Variants in PTPRD observed in about 807,000 individuals in gnomAD.
PTPRD encodes protein tyrosine phosphatase receptor type D.
A neutral mutation model predicts 214.5 loss-of-function variants in PTPRD; 34 were observed. That is an observed-to-expected ratio of 0.16 (90% CI 0.12 to 0.21). The LOEUF is 0.21. Ranked by LOEUF, PTPRD falls within the 10% of genes least tolerant of loss-of-function variation. The pLI is 1.00. For missense variants in PTPRD, 2,545 were observed against 2,398.7 expected (o/e 1.06, Z -1.27); for synonymous variants, 1,128 against 845.7 (o/e 1.33, Z -5.79).
chr9:9,084,727 T>G (rs965246419), intron 10 of PTPRD, among the ~76,000 whole-genome samples: 17 of 151,868 alleles, frequency 1.1e-4, no homozygotes, highest in Admixed American at 6.6e-5. Flanking sequence ...TATAGCAAAA[T>G]GTGGGCAAGG....
At chr9:9,295,019 G>A (rs1228159981) in intron 9 of PTPRD, among the ~76,000 whole-genome samples, 2 of 151,722 alleles carry the variant, frequency 1.3e-5, no homozygotes, top group Non-Finnish European at 2.9e-5. Context: ...AGTAAAACAT[G>A]TATTAGTTAA....
intron 5 of PTPRD, among the ~76,000 whole-genome samples, chr9:9,870,047 A>T (rs1459886532): frequency 2.0e-5 from 3 of 152,090 alleles, no homozygotes; most frequent in Admixed American, 2.0e-4. Flanking sequence ...CTATTGAAGT[A>T]TCTACAGGTA....
intron 45 of PTPRD, among the ~76,000 whole-genome samples, chr9:8,319,036 T>C (rs1160945974): frequency 6.6e-6 from 1 of 152,098 alleles, no homozygotes; most frequent in Non-Finnish European, 1.5e-5. Flanking sequence ...TTAAGGCTTT[T>C]TAAATGTCCA....
At chr9:9,762,257 T>C (rs1411624331) in intron 6 of PTPRD, among the ~76,000 whole-genome samples, 1 of 152,214 alleles carries the variant, frequency 6.6e-6, no homozygotes, top group African/African-American at 2.4e-5. Flanking sequence ...AGTCCAACAG[T>C]CTTTCTTCAC....
chr9:9,865,261 C>T (rs546795688), intron 5 of PTPRD, among the ~76,000 whole-genome samples: 1 of 152,168 alleles, frequency 6.6e-6, no homozygotes, highest in Non-Finnish European at 1.5e-5. Context: ...CCAAAAGTCA[C>T]GTTGAAACTT....
At chr9:10,028,974 T>C (rs1415916307) in intron 4 of PTPRD, among the ~76,000 whole-genome samples, 1 of 151,694 alleles carries the variant, frequency 6.6e-6, no homozygotes, top group Non-Finnish European at 1.5e-5. Flanking sequence ...GGGCCCAGGG[T>C]CCCTGGGCTG....
chr9:9,732,692 C>T (rs1436677773), intron 7 of PTPRD, among the ~76,000 whole-genome samples: 4 of 152,152 alleles, frequency 2.6e-5, no homozygotes, highest in Admixed American at 6.5e-5. Flanking sequence ...TTAAGCAAAG[C>T]TTTCCATTTG....
At chr9:8,891,435 C>G (rs1297967283) in intron 11 of PTPRD, among the ~76,000 whole-genome samples, 1 of 143,268 alleles carries the variant, frequency 7.0e-6, no homozygotes, top group African/African-American at 2.7e-5. Context: ...CCTGGTCAAT[C>G]TAATTTTTTT....
At chr9:9,511,318 G>C (rs1411873788) in intron 8 of PTPRD, among the ~76,000 whole-genome samples, 3 of 151,648 alleles carry the variant, frequency 2.0e-5, no homozygotes, top group African/African-American at 7.3e-5. Flanking sequence ...CAAAGCTTTT[G>C]GTATGAAAGA....
chr9:8,915,052 A>G (rs1000714975), intron 11 of PTPRD, among the ~76,000 whole-genome samples: 4 of 152,180 alleles, frequency 2.6e-5, no homozygotes, highest in African/African-American at 9.6e-5. Flanking sequence ...TAGTGTGGTC[A>G]GTGCTAAGAA....
chr9:8,838,237 G>T (rs1166949283), intron 11 of PTPRD, among the ~76,000 whole-genome samples: 1 of 150,180 alleles, frequency 6.7e-6, no homozygotes, highest in Non-Finnish European at 1.5e-5. Context: ...AACACATAAC[G>T]ACTTCAAATT....
chr9:8,372,648 T>G (rs1293652707), intron 39 of PTPRD, among the ~76,000 whole-genome samples: 1 of 152,042 alleles, frequency 6.6e-6, no homozygotes, highest in African/African-American at 2.4e-5. Context: ...CTGTTTGAAC[T>G]AGACCTTCTT....
intron 11 of PTPRD, among the ~76,000 whole-genome samples, chr9:8,765,930 T>A (rs2154480022): frequency 6.6e-6 from 1 of 152,282 alleles, no homozygotes; most frequent in Non-Finnish European, 1.5e-5. Flanking sequence ...CCAAAATGAT[T>A]TCTAAGACTC....
In PTPRD at chr9:8,626,545, A is replaced by G. The variant is rs79247529; in HGVS notation, c.352+6772T>C. The stretch of plus-strand genomic sequence containing the variant: ...TATTTGGTCAAATGTTATCTTGAGC[A>G]TTACTGTCAGGGTGTTTTTGGATGC... On this transcript the variant is annotated intron_variant, in intron 14 of 45. Coordinates refer to ENST00000381196, the MANE Select transcript of PTPRD (RefSeq NM_002839.4). 8.0e-3 allele frequency among the ~76,000 whole-genome samples: 1,212 copies of G among 151,950 alleles called. 22 individuals carry two copies. Among genetic ancestry groups the G allele is most frequent in the African/African-American group, 0.026 (1,072 of 41,492 alleles).
intron 3 of PTPRD, among the ~76,000 whole-genome samples, chr9:10,110,472 C>G (rs771111016): frequency 5.3e-5 from 8 of 152,044 alleles, no homozygotes; most frequent in Non-Finnish European, 1.2e-4. Flanking sequence ...CTTCCTCTCC[C>G]AACAACAAAC....
chr9:9,726,292 C>G (rs901464209), intron 7 of PTPRD, among the ~76,000 whole-genome samples: 4 of 152,186 alleles, frequency 2.6e-5, no homozygotes, highest in Admixed American at 6.5e-5. Context: ...ATTTAACTGT[C>G]TTCCACATGT....
At chr9:9,954,307 A>AAC (rs2093713972) in intron 4 of PTPRD, among the ~76,000 whole-genome samples, 1 of 146,358 alleles carries the variant, frequency 6.8e-6, no homozygotes, top group African/African-American at 2.6e-5. Flanking sequence ...CAAAAAAAAA[A>AAC]AAAAAAAAAA....
At position 10,209,085 on chromosome 9, in the gene PTPRD, A is replaced by AT. The variant is rs1285130989; in HGVS notation, c.-545+131877dup. Among the ~76,000 whole-genome samples the AT allele has an allele frequency of 9.2e-5, 14 of 152,130 alleles. No homozygotes were observed. In the East Asian group the frequency reaches 2.5e-3, roughly 27 times the overall value. ...AGTTTTATGAATGCTGCAGTTCGTG[A>AT]TTTTTTTTCCACTGGAAACTGTGTG... On this transcript the variant is annotated intron_variant, in intron 3 of 45. Transcript: ENST00000381196.
At chr9:9,319,044 T>C (rs894098978) in intron 9 of PTPRD, among the ~76,000 whole-genome samples, 1 of 152,214 alleles carries the variant, frequency 6.6e-6, no homozygotes, top group African/African-American at 2.4e-5. Flanking sequence ...GTGATTGCTT[T>C]CAAGTTCCTG....
Sources: gnomAD v4.1 joint callset for allele counts (sites outside exome capture counted in the v4.1 genomes callset) on GRCh38, gnomAD v4.1.1 for gene constraint, MANE v1.5 for transcripts, NCBI Gene and HGNC (gene_info 2026-07-23, HGNC 2026-07-21) for gene names.